The following DENND1A variants were observed in gnomAD, a reference collection of about 807,000 sequenced individuals.
The protein encoded by DENND1A is DENN domain-containing protein 1A.
In DENND1A, 51 loss-of-function variants were observed where a neutral mutation model predicts 113.7. The observed-to-expected ratio is 0.45, with a 90% CI of 0.36 to 0.57. The LOEUF (loss-of-function observed/expected upper bound fraction) is 0.57. DENND1A is among the 20% of genes least tolerant of loss of function. DENND1A has a pLI of 0.00. For missense variants in DENND1A, 1,258 were observed against 1,395.9 expected (o/e 0.90, Z 1.57); for synonymous variants, 565 against 570.8 (o/e 0.99, Z 0.14).
At chr9:123,510,816 T>A (rs1452774549) in intron 13 of DENND1A, among the ~76,000 whole-genome samples, 1 of 152,126 alleles carries the variant, frequency 6.6e-6, no homozygotes, top group African/African-American at 2.4e-5. Context: ...TAAGAAAACA[T>A]TCCTAAAAAC....
At chr9:123,881,989 G>A (rs1226516860) in intron 1 of DENND1A, among the ~76,000 whole-genome samples, 1 of 152,138 alleles carries the variant, frequency 6.6e-6, no homozygotes, top group African/African-American at 2.4e-5. Context: ...CTTCCAGGAC[G>A]TTGCTCTCTG....
At chr9:123,796,628 C>T (rs1472537191) in intron 2 of DENND1A, among the ~76,000 whole-genome samples, 1 of 152,046 alleles carries the variant, frequency 6.6e-6, no homozygotes, top group Non-Finnish European at 1.5e-5. Context: ...CTGAGTTCTG[C>T]CTTAGGCTTA....
chr9:123,472,823 C>T (rs1016303977), intron 13 of DENND1A, among the ~76,000 whole-genome samples: 3 of 152,226 alleles, frequency 2.0e-5, no homozygotes, highest in African/African-American at 7.2e-5. Flanking sequence ...CCACGGTTCT[C>T]CAGGTAGGTC....
intron 5 of DENND1A, among the ~76,000 whole-genome samples, chr9:123,677,271 A>T (rs910852703): frequency 1.3e-5 from 2 of 152,108 alleles, no homozygotes; most frequent in Admixed American, 6.6e-5. Flanking sequence ...TGCAACAGAC[A>T]TTCTACCCAT....
At chr9:123,494,948 C>T (rs994402112) in intron 13 of DENND1A, among the ~76,000 whole-genome samples, 6 of 152,080 alleles carry the variant, frequency 3.9e-5, no homozygotes, top group Admixed American at 6.6e-5. Flanking sequence ...TGTGCCACCA[C>T]GCCAGGATAA....
At chr9:123,785,987 A>T (rs10986103) in intron 3 of DENND1A, among the ~76,000 whole-genome samples, 10,838 of 152,096 alleles carry the variant, frequency 0.071, 538 homozygotes, top group African/African-American at 0.14. Flanking sequence ...CCAAGGTGTG[A>T]GGATCACCTG....
intron 11 of DENND1A, among the ~76,000 whole-genome samples, chr9:123,584,809 C>T (rs2059084019): frequency 6.6e-6 from 1 of 152,084 alleles, no homozygotes; most frequent in Non-Finnish European, 1.5e-5. Context: ...GGAGACTGAC[C>T]TCCGCACAGC....
intron 19 of DENND1A, among the ~76,000 whole-genome samples, chr9:123,420,278 A>G (rs1229573843): frequency 6.6e-6 from 1 of 152,214 alleles, no homozygotes; most frequent in Non-Finnish European, 1.5e-5. Context: ...CTCTGTAGAC[A>G]GGGAAAGGGA....
At chr9:123,786,548 C>A (rs373898004) in intron 3 of DENND1A, among the ~76,000 whole-genome samples, 2 of 152,176 alleles carry the variant, frequency 1.3e-5, no homozygotes, top group Admixed American at 6.6e-5. Context: ...TTACCTGCTA[C>A]GTTGTCTGGC....
intron 19 of DENND1A, among the ~76,000 whole-genome samples, chr9:123,421,425 CAGA>C (rs565645167): frequency 2.1e-4 from 32 of 152,202 alleles, no homozygotes; most frequent in Middle Eastern, 3.4e-3. Context: ...ATACCAACAG[CAGA>C]AGAAGATGTT....
chr9:123,473,437 A>AACCACATG (rs1341450895), intron 13 of DENND1A, among the ~76,000 whole-genome samples: 3 of 152,090 alleles, frequency 2.0e-5, no homozygotes, highest in African/African-American at 7.2e-5. Context: ...TCGTGGAGAC[A>AACCACATG]ACCACATGAC....
intron 13 of DENND1A, among the ~76,000 whole-genome samples, chr9:123,495,856 A>G (rs1459050242): frequency 1.3e-5 from 2 of 152,252 alleles, no homozygotes; most frequent in Non-Finnish European, 2.9e-5. Flanking sequence ...ATTGTTCCTT[A>G]GCGGTATACA....
chr9:123,553,400 G>GCC (rs869110586), intron 13 of DENND1A, among the ~76,000 whole-genome samples: 1 of 112,480 alleles, frequency 8.9e-6, no homozygotes, highest in Non-Finnish European at 1.8e-5. Context: ...TTTAAAAGCC[G>GCC]CCCCCCCCCC....
chr9:123,857,218 C>G (rs1844352426), intron 2 of DENND1A, among the ~76,000 whole-genome samples: 1 of 152,124 alleles, frequency 6.6e-6, no homozygotes, highest in African/African-American at 2.4e-5. Flanking sequence ...ACATCTTGCA[C>G]CAGAAAGCAA....
chr9:123,597,536 C>A (rs2059750615), intron 11 of DENND1A, among the ~76,000 whole-genome samples: 1 of 152,102 alleles, frequency 6.6e-6, no homozygotes, highest in Non-Finnish European at 1.5e-5. Flanking sequence ...TCTCTAAAAG[C>A]ACCCAAAAGG....
In DENND1A at chr9:123,519,811, T is replaced by C. The variant is rs2054241685; in HGVS notation, c.993+37759A>G. 8.5e-5 allele frequency among the ~76,000 whole-genome samples: 13 copies of C among 152,166 alleles called. No homozygotes were observed. The South Asian group carries it at 2.7e-3, about 32-fold the overall frequency. Reference sequence around the variant, plus strand: ...TGGCATGTGACTCAATTCTGGTCAATGGCACTGGAGGAGAAGTCACCAGGA... The same window carrying C: ...TGGCATGTGACTCAATTCTGGTCAACGGCACTGGAGGAGAAGTCACCAGGA... On this transcript the variant is annotated intron_variant, in intron 13 of 23. Coordinates refer to ENST00000394215, the MANE Select transcript of DENND1A (RefSeq NM_001352964.2).
At chr9:123,822,214 A>G (rs1306586803) in intron 2 of DENND1A, among the ~76,000 whole-genome samples, 3 of 152,248 alleles carry the variant, frequency 2.0e-5, no homozygotes, top group Non-Finnish European at 4.4e-5. Context: ...CTAAAGCAAT[A>G]AAATTTAATA....
At chr9:123,507,031 A>G (rs1303551645) in intron 13 of DENND1A, among the ~76,000 whole-genome samples, 1 of 152,120 alleles carries the variant, frequency 6.6e-6, no homozygotes, top group Non-Finnish European at 1.5e-5. Context: ...ACTAAAAACA[A>G]TACAAAAATT....
intron 10 of DENND1A, among the ~76,000 whole-genome samples, chr9:123,630,057 T>C (rs1034473663): frequency 6.6e-6 from 1 of 152,040 alleles, no homozygotes; most frequent in African/African-American, 2.4e-5. Flanking sequence ...ATTATTATTA[T>C]TGAGACAGAG....
Sources: gnomAD v4.1 joint callset for allele counts (sites outside exome capture counted in the v4.1 genomes callset) on GRCh38, gnomAD v4.1.1 for gene constraint, MANE v1.5 for transcripts, NCBI Gene and HGNC (gene_info 2026-07-23, HGNC 2026-07-21) for gene names.